The following ANO5 variants were observed in gnomAD, a reference collection of about 807,000 sequenced individuals.
ANO5 encodes anoctamin 5.
A neutral mutation model predicts 121.0 loss-of-function variants in ANO5; 109 were observed. The observed-to-expected ratio is 0.90, with a 90% confidence interval of 0.77 to 1.06. The LOEUF (loss-of-function observed/expected upper bound fraction) is 1.06, where lower values mean the gene tolerates loss of function less well. ANO5 is among the 50% of genes least tolerant of loss of function. ANO5 has a pLI of 0.00. For synonymous variants in ANO5, 406 were observed against 359.9 expected (o/e 1.13, Z -1.45); for missense variants, 1,064 against 1,078.5 (o/e 0.99, Z 0.19).
intron 16 of ANO5, 68 bp downstream of exon 16, chr11:22,262,366 C>A: frequency 6.5e-7 from 1 of 1,530,540 alleles, no homozygotes; most frequent in South Asian, 1.1e-5. Flanking sequence ...TTCTGTGTGT[C>A]AAGCACTGAT....
intron 17 of ANO5, among the ~76,000 whole-genome samples, chr11:22,264,633 T>C (rs1854303312): frequency 6.6e-6 from 1 of 152,070 alleles, no homozygotes; most frequent in Non-Finnish European, 1.5e-5. Flanking sequence ...TATTTCTAAC[T>C]AGAATATTCT....
In ANO5 at chr11:22,276,141, A is replaced by G. The variant is rs762352122; in HGVS notation, c.2462A>G (p.His821Arg). ...YPPDDENKYFHNMQFWHVLAA... is the reference protein window; with the variant it reads ...YPPDDENKYFRNMQFWHVLAA... ...CCTGATGACGAGAATAAATATTTTC[A>G]TAATATGCAATTCTGGCATGTCCTT... Residue 821 changes from histidine to arginine, a missense_variant, in exon 21 of 22, where the codon CAT becomes CGT. Coordinates refer to ENST00000324559, the MANE Select transcript of ANO5 (RefSeq NM_213599.3). The G allele has an allele frequency of 6.2e-7, 1 of 1,611,594 alleles. No individual in the cohort carries two copies. Among genetic ancestry groups the G allele is most frequent in the Non-Finnish European group, 8.5e-7 (1 of 1,178,234 alleles).
In ANO5 at chr11:22,281,523, A is replaced by G. The variant is rs1855079288; in HGVS notation, c.*1758A>G. 3.0e-5 allele frequency: 1 copy of G among 33,210 alleles called. No homozygotes were observed. Among genetic ancestry groups the G allele is most frequent in the South Asian group, 1.2e-3 (1 of 864 alleles). 2.1% of individuals were successfully genotyped at this position (33,210 alleles called of 1,614,324 possible). ...AGAGAAGATAATATTTCTTTCTTGA[A>G]AAAACAAGTCAGGCTTACCATGATG... On this transcript the variant is annotated 3_prime_UTR_variant, in exon 22 of 22. Transcript: ENST00000324559.
At chr11:22,192,996 C>T, upstream of ANO5, 1 of 985,236 alleles carries the variant, frequency 1.0e-6, no homozygotes, top group South Asian at 4.7e-5. Context: ...GGTGGGGCGC[C>T]GGCCGGTCTT....
chr11:22,247,708 G>A, intron 9 of ANO5, among the ~76,000 whole-genome samples: 1 of 152,098 alleles, frequency 6.6e-6, no homozygotes. Flanking sequence ...ATATCTGGAA[G>A]TGGTTTTTCT....
intron 1 of ANO5, among the ~76,000 whole-genome samples, chr11:22,201,592 T>C (rs1851965723): frequency 1.3e-5 from 2 of 152,078 alleles, no homozygotes; most frequent in South Asian, 2.1e-4. Flanking sequence ...ACAATAGAAG[T>C]TTATTTGGTC....
intron 19 of ANO5, among the ~76,000 whole-genome samples, chr11:22,274,193 C>CACACACACA: frequency 1.3e-5 from 2 of 150,540 alleles, no homozygotes; most frequent in African/African-American, 4.9e-5. Context: ...CACACACACA[C>CACACACACA]CCGCAGTCCT....
chr11:22,269,445 G>A (rs1486096835), intron 17 of ANO5, among the ~76,000 whole-genome samples: 1 of 141,918 alleles, frequency 7.0e-6, no homozygotes, highest in Non-Finnish European at 1.5e-5. Flanking sequence ...GAAGAGAAGG[G>A]AAAGGAAGAA....
chr11:22,201,164 T>G (rs988397500), intron 1 of ANO5, among the ~76,000 whole-genome samples: 4 of 152,170 alleles, frequency 2.6e-5, no homozygotes, highest in Non-Finnish European at 5.9e-5. Flanking sequence ...ATCATTATAT[T>G]TTGGCTTTTC....
At chr11:22,204,800 G>T (rs1303530588) in intron 2 of ANO5, among the ~76,000 whole-genome samples, 9 of 152,068 alleles carry the variant, frequency 5.9e-5, no homozygotes, top group Non-Finnish European at 1.0e-4. Context: ...ATTCCTCAAA[G>T]ACCTAAAGAT....
At chr11:22,259,948 G>A (rs374001161) in intron 15 of ANO5, among the ~76,000 whole-genome samples, 13 of 142,306 alleles carry the variant, frequency 9.1e-5, no homozygotes, top group Admixed American at 2.8e-4. Context: ...CAAAATAACT[G>A]AAAAAAAAAA....
chr11:22,218,328 G>T, intron 4 of ANO5, 41 bp downstream of exon 4: 1 of 1,609,182 alleles, frequency 6.2e-7, no homozygotes, highest in South Asian at 1.1e-5. Flanking sequence ...GCTCTGAATG[G>T]CTGCAGTGGT....
chr11:22,271,011 C>T (rs1301141119), intron 18 of ANO5, among the ~76,000 whole-genome samples: 1 of 152,140 alleles, frequency 6.6e-6, no homozygotes, highest in Non-Finnish European at 1.5e-5. Flanking sequence ...ATGGTCTGCT[C>T]AGAGCGTTTT....
At chr11:22,256,735 G>GTT in intron 13 of ANO5, among the ~76,000 whole-genome samples, 2 of 119,694 alleles carry the variant, frequency 1.7e-5, no homozygotes, top group South Asian at 2.4e-4. Context: ...GTTTTTTTTT[G>GTT]TTTTGTTTTG....
intron 15 of ANO5, among the ~76,000 whole-genome samples, chr11:22,259,948 GAA>G (rs36077990): frequency 1.4e-5 from 2 of 142,334 alleles, no homozygotes; most frequent in African/African-American, 2.6e-5. Flanking sequence ...CAAAATAACT[GAA>G]AAAAAAAAAA....
At position 22,282,690 on chromosome 11, in the gene ANO5, A is replaced by G. The variant is rs920429179; in HGVS notation, c.*2925A>G. 1 of 152,190 alleles carries G rather than the reference A, an allele frequency of 6.6e-6. No individual in the cohort carries two copies. The highest frequency in any genetic ancestry group is 2.4e-5 in the African/African-American group (1 of 41,452). The allele number at this position is 152,190 out of a possible 1,614,324, so 9.4% of individuals were successfully genotyped here. On this transcript the variant is annotated 3_prime_UTR_variant, in exon 22 of 22. Transcript: ENST00000324559. ...GAGAGAAAAGCTAAAGAAAATTTCAATGTGACCACTATTATGTGTCAAAAT... is the reference window on the plus strand; with the variant it reads ...GAGAGAAAAGCTAAAGAAAATTTCAGTGTGACCACTATTATGTGTCAAAAT...
At chr11:22,259,043 G>A (rs2133736128) in intron 14 of ANO5, among the ~76,000 whole-genome samples, 1 of 150,142 alleles carries the variant, frequency 6.7e-6, no homozygotes, top group Non-Finnish European at 1.5e-5. Flanking sequence ...TGAGGCAGGA[G>A]AATCCCTTGA....
At chr11:22,221,023 A>G (rs1182855007) in intron 4 of ANO5, 74 bp from the exon 5 acceptor site, 3 of 1,081,436 alleles carry the variant, frequency 2.8e-6, no homozygotes, top group Admixed American at 1.9e-5. Context: ...TAAATTATAA[A>G]TAATTCCTTT....
chr11:22,249,486 AAAC>A (rs1196563644), intron 9 of ANO5, among the ~76,000 whole-genome samples: 3 of 152,060 alleles, frequency 2.0e-5, no homozygotes, highest in Non-Finnish European at 4.4e-5. Context: ...TAATCAGGTT[AAAC>A]AACAACAACA....
Sources: gnomAD v4.1 joint callset for allele counts (sites outside exome capture counted in the v4.1 genomes callset) on GRCh38, gnomAD v4.1.1 for gene constraint, MANE v1.5 for transcripts, NCBI Gene and HGNC (gene_info 2026-07-23, HGNC 2026-07-21) for gene names.